Variants in UBE2V1 observed in about 807,000 individuals in gnomAD.
UBE2V1 encodes the protein ubiquitin-conjugating enzyme E2 variant 1.
In UBE2V1, 15 loss-of-function variants were observed where a neutral mutation model predicts 19.6. The observed-to-expected ratio is 0.77, with a 90% CI of 0.51 to 1.18. The LOEUF (loss-of-function observed/expected upper bound fraction) is 1.18. Ranked by LOEUF, UBE2V1 falls within the 50% of genes most tolerant of loss-of-function variation. The pLI, the probability that UBE2V1 is intolerant of heterozygous loss-of-function variation, is 0.00. For missense variants in UBE2V1, 125 were observed against 184.8 expected, an observed-to-expected ratio of 0.68 and a Z score of 1.88; for synonymous variants, 60 against 60.7, an observed-to-expected ratio of 0.99 and a Z score of 0.05.
intron 2 of UBE2V1, among the ~76,000 whole-genome samples, chr20:50,091,547 C>T (rs1042367209): frequency 5.3e-5 from 8 of 151,660 alleles, no homozygotes; most frequent in Admixed American, 3.9e-4. Context: ...TCTGCCACCG[C>T]GCCCAGCTAA....
rs190417103 is a variant in UBE2V1 at position 50,095,326 on chromosome 20, G to A, written c.171+1346C>T. On this transcript the variant is annotated intron_variant, in intron 2 of 3. Coordinates refer to ENST00000371674, the MANE Select transcript of UBE2V1 (RefSeq NM_001032288.3). ...AGACAGCAAAGAAAATTATCTCCAT[G>A]GAGAAACAGGATTTCTAGATTGGGT... is the stretch of plus-strand genomic sequence containing the variant. 17 of 152,300 alleles carry A rather than the reference G, an allele frequency of 1.1e-4. No individual in the cohort carries two copies. The East Asian group carries it at 2.9e-3, about 26-fold the overall frequency. The allele number at this position is 152,300 out of a possible 1,614,324, so 9.4% of individuals were successfully genotyped here. A position where few individuals can be genotyped will look rare whatever the true frequency, so the allele number is the denominator to read the frequency against.
rs116297053 is a variant in UBE2V1 at position 50,106,119 on chromosome 20, A to C, written c.22+6988T>G. ...GAATTATGAAAATGCTAAAAAAAAA[A>C]ACTTCATCAAGGTGCTAAAATATCA... On this transcript the variant is annotated intron_variant, in intron 1 of 3. Transcript: ENST00000371674. Among the ~76,000 whole-genome samples the C allele has an allele frequency of 1.3e-3, 197 of 152,288 alleles. 1 individual carries two copies. Among genetic ancestry groups the C allele is most frequent in the African/African-American group, 4.3e-3 (180 of 41,562 alleles).
chr20:50,099,164 G>C (rs1040545032), intron 1 of UBE2V1, among the ~76,000 whole-genome samples: 1 of 152,160 alleles, frequency 6.6e-6, no homozygotes, highest in Non-Finnish European at 1.5e-5. Context: ...CATATTGATA[G>C]GAAGGCTGAT....
chr20:50,111,960 T>C (rs2080781114), intron 1 of UBE2V1, among the ~76,000 whole-genome samples: 1 of 152,124 alleles, frequency 6.6e-6, no homozygotes, highest in Admixed American at 6.5e-5. Context: ...CTTGGCCAAC[T>C]TCACTGCCAG....
At chr20:50,107,794 T>G (rs774307133) in intron 1 of UBE2V1, among the ~76,000 whole-genome samples, 3 of 152,230 alleles carry the variant, frequency 2.0e-5, no homozygotes, top group Non-Finnish European at 4.4e-5. Flanking sequence ...GAAGTTGAGA[T>G]AGAATCTTGC....
At chr20:50,108,946 A>T in intron 1 of UBE2V1, 4 of 985,436 alleles carry the variant, frequency 4.1e-6, no homozygotes, top group Non-Finnish European at 4.8e-6. Context: ...TCCAAGACTT[A>T]GGAAGAACAT....
At chr20:50,090,389 G>T (rs979628614) in intron 2 of UBE2V1, among the ~76,000 whole-genome samples, 4 of 151,366 alleles carry the variant, frequency 2.6e-5, no homozygotes, top group African/African-American at 9.7e-5. Context: ...TCGGAGAATT[G>T]CTTGAACCTG....
intron 1 of UBE2V1, among the ~76,000 whole-genome samples, chr20:50,107,883 A>G (rs1367207051): frequency 1.3e-5 from 2 of 152,236 alleles, no homozygotes; most frequent in Non-Finnish European, 1.5e-5. Flanking sequence ...ACAGAACAAA[A>G]CAAGAAGCTG....
At chr20:50,110,742 A>G (rs189749725) in intron 1 of UBE2V1, among the ~76,000 whole-genome samples, 1 of 152,140 alleles carries the variant, frequency 6.6e-6, no homozygotes, top group African/African-American at 2.4e-5. Context: ...CCCTCATACC[A>G]TCTCAAATCC....
At chr20:50,101,012 C>T (rs6020262) in intron 1 of UBE2V1, among the ~76,000 whole-genome samples, 50,471 of 152,128 alleles carry the variant, frequency 0.33, 9,163 homozygotes, top group African/African-American at 0.5. Flanking sequence ...TACATTTCTA[C>T]TGGATTAGAT....
rs761651273 is a variant in UBE2V1 at position 50,096,655 on chromosome 20, C to T, written c.171+17G>A. The T allele has an allele frequency of 1.7e-5, 27 of 1,612,672 alleles. No homozygotes were observed. Among genetic ancestry groups the T allele is most frequent in the Non-Finnish European group, 2.2e-5 (26 of 1,179,378 alleles). On this transcript the variant is annotated intron_variant, in intron 2 of 3. Transcript: ENST00000371674. Reference sequence around the variant, plus strand: ...AATTTAAGACATTGACATTTATAGCCGTAGCTCGACGCTTACTCTTGGAGG... The same window carrying T: ...AATTTAAGACATTGACATTTATAGCTGTAGCTCGACGCTTACTCTTGGAGG...
intron 1 of UBE2V1, among the ~76,000 whole-genome samples, chr20:50,112,609 TCAA>T (rs2080833638): frequency 4.6e-5 from 7 of 152,080 alleles, no homozygotes; most frequent in Non-Finnish European, 7.4e-5. Context: ...GGGGATCCTC[TCAA>T]GTCACCCCCT....
chr20:50,086,340 G>A lies in UBE2V1; in HGVS notation c.172-2086C>T, dbSNP rs534022744. On this transcript the variant is annotated intron_variant, in intron 2 of 3. Coordinates refer to ENST00000371674, the MANE Select transcript of UBE2V1 (RefSeq NM_001032288.3). ...CCTCACTAAACACAGAAAAAGGAGG[G>A]TGGGGGCCTTGACAGGGGCCCTCAA... is the stretch of plus-strand genomic sequence containing the variant. Among the ~76,000 whole-genome samples, 111 of 152,286 alleles carry A rather than the reference G, an allele frequency of 7.3e-4. 1 individual carries two copies. The highest frequency in any genetic ancestry group is 6.8e-3 in the Middle Eastern group (2 of 294).
chr20:50,082,068 C>A lies in UBE2V1; in HGVS notation c.*700G>T. On this transcript the variant is annotated 3_prime_UTR_variant, in exon 4 of 4. Transcript: ENST00000371674. The stretch of plus-strand genomic sequence containing the variant: ...GAACTTGAGGAGGAGGGAGAAAAAG[C>A]AGCACCCCTCGATAAAGGTGGGGGA... 5.4e-6 allele frequency: 1 copy of A among 186,902 alleles called. No homozygotes were observed. Among genetic ancestry groups the A allele is most frequent in the Non-Finnish European group, 1.1e-5 (1 of 90,768 alleles). 11.6% of individuals were successfully genotyped at this position (186,902 alleles called of 1,614,324 possible). A position where few individuals can be genotyped will look rare whatever the true frequency, so the allele number is the denominator to read the frequency against.
At position 50,104,237 on chromosome 20, in the gene UBE2V1, G is replaced by A. The variant is rs186139892; in HGVS notation, c.23-7417C>T. 4,924 of 892,226 alleles carry A rather than the reference G, an allele frequency of 5.5e-3. 31 individuals carry two copies. The highest frequency in any genetic ancestry group is 0.026 in the South Asian group (498 of 19,186). 55.3% of individuals were successfully genotyped at this position (892,226 alleles called of 1,614,324 possible). A position where few individuals can be genotyped will look rare whatever the true frequency, so the allele number is the denominator to read the frequency against. On this transcript the variant is annotated intron_variant, in intron 1 of 3. Coordinates refer to ENST00000371674, the MANE Select transcript of UBE2V1 (RefSeq NM_001032288.3). ...GCGGAGGTTACAGTGAGCCGAGATCGCGCCACGGCACTCCAGCCTGGCAAT... is the reference window on the plus strand; with the variant it reads ...GCGGAGGTTACAGTGAGCCGAGATCACGCCACGGCACTCCAGCCTGGCAAT...
chr20:50,109,086 G>A lies in UBE2V1; in HGVS notation c.22+4021C>T, dbSNP rs528360862. 7.3e-5 allele frequency: 72 copies of A among 985,432 alleles called. No homozygotes were observed. In the South Asian group the frequency reaches 2.9e-3, roughly 39 times the overall value. The allele number at this position is 985,432 out of a possible 1,614,324, so 61.0% of individuals were successfully genotyped here. On this transcript the variant is annotated intron_variant, in intron 1 of 3. Coordinates refer to ENST00000371674, the MANE Select transcript of UBE2V1 (RefSeq NM_001032288.3). ...GGCTCCTCCCTCAGTAATGTGGGTG[G>A]ATACTGCCCCTGGCTGGTGACCAGG...
At position 50,094,232 on chromosome 20, in the gene UBE2V1, ATATATAATG is replaced by A. The variant is rs1568988773; in HGVS notation, c.171+2431_171+2439del. ...TAATATATAACATATGCATTATATA[ATATATAATG>A]CATTATATAATATATAATGCATTAT... is the stretch of plus-strand genomic sequence containing the variant. On this transcript the variant is annotated intron_variant, in intron 2 of 3. Transcript: ENST00000371674. Among the ~76,000 whole-genome samples the A allele has an allele frequency of 1.3e-3, 170 of 135,866 alleles. 12 individuals are homozygous for A. Among genetic ancestry groups the A allele is most frequent in the African/African-American group, 3.3e-3 (118 of 35,248 alleles). The allele number at this position is 135,866 out of a possible 152,430, so 89.1% of individuals were successfully genotyped here.
chr20:50,084,402 T>C, intron 2 of UBE2V1, 148 bp from the exon 3 acceptor site: 3 of 1,431,636 alleles, frequency 2.1e-6, no homozygotes, highest in Non-Finnish European at 1.9e-6. Context: ...AGGTCAGCAG[T>C]TCTATACTAG....
In UBE2V1 at chr20:50,082,547, C is replaced by T; in HGVS notation, c.*221G>A. ...TTCAACTACGTGGACAGTGGTTACA[C>T]TTGACAGGATGATTTGTTATAGCAC... On this transcript the variant is annotated 3_prime_UTR_variant, in exon 4 of 4. Coordinates refer to ENST00000371674, the MANE Select transcript of UBE2V1 (RefSeq NM_001032288.3). 1 of 802,766 alleles carries T rather than the reference C, an allele frequency of 1.2e-6. No homozygotes were observed. Among genetic ancestry groups the T allele is most frequent in the South Asian group, 2.2e-5 (1 of 45,998 alleles). 49.7% of individuals were successfully genotyped at this position (802,766 alleles called of 1,614,324 possible).
Sources: gnomAD v4.1 joint callset for allele counts (sites outside exome capture counted in the v4.1 genomes callset) on GRCh38, gnomAD v4.1.1 for gene constraint, MANE v1.5 for transcripts, NCBI Gene and HGNC (gene_info 2026-07-23, HGNC 2026-07-21) for gene names.